Variants in PCSK9 observed in about 807,000 individuals in gnomAD.
The protein encoded by PCSK9 is proprotein convertase subtilisin/kexin type 9.
PCSK9 carries 57 observed loss-of-function variants against 62.1 expected under a neutral mutation model. The ratio of observed to expected loss-of-function variants is 0.92; its 90% CI spans 0.74 to 1.14. The LOEUF is 1.14. Ranked by LOEUF, PCSK9 falls within the 50% of genes most tolerant of loss-of-function variation. PCSK9 has a pLI of 0.00. For missense variants in PCSK9, 870 were observed against 959.8 expected (o/e 0.91, Z 1.24); for synonymous variants, 387 against 409.4 (o/e 0.95, Z 0.66).
At position 55,052,786 on chromosome 1, in the gene PCSK9, T is replaced by G; in HGVS notation, c.794T>G (p.Leu265Arg). 1 of 1,613,072 alleles carries G rather than the reference T, an allele frequency of 6.2e-7. No individual in the cohort carries two copies. The highest frequency in any genetic ancestry group is 8.5e-7 in the Non-Finnish European group (1 of 1,179,964). ...CQGKGTVSGTLIGLEFIRKSQ... is the reference protein window; with the variant it reads ...CQGKGTVSGTRIGLEFIRKSQ... ...GGGAAGGGCACGGTTAGCGGCACCCTCATAGGTAAGTGATGGCCCCAGACG... is the reference window on the plus strand; with the variant it reads ...GGGAAGGGCACGGTTAGCGGCACCCGCATAGGTAAGTGATGGCCCCAGACG... Residue 265 changes from leucine (L) to arginine (R), a missense_variant, in exon 5 of 12, where the codon CTC becomes CGC. Coordinates refer to ENST00000302118, the MANE Select transcript of PCSK9 (RefSeq NM_174936.4).
chr1:55,047,835 C>T (rs1644645177), intron 3 of PCSK9, among the ~76,000 whole-genome samples: 1 of 152,170 alleles, frequency 6.6e-6, no homozygotes, highest in Non-Finnish European at 1.5e-5. Context: ...GACAGCTCCT[C>T]TGTAGGAAGA....
chr1:55,059,387 G>C lies in PCSK9; in HGVS notation c.1504-99G>C, dbSNP rs1322263364. 23 of 1,451,264 alleles carry C rather than the reference G, an allele frequency of 1.6e-5. No homozygotes were observed. In the East Asian group the frequency reaches 5.2e-4, roughly 33 times the overall value. The allele number at this position is 1,451,264 out of a possible 1,614,324, so 89.9% of individuals were successfully genotyped here. On this transcript the variant is annotated intron_variant, in intron 9 of 11. Coordinates refer to ENST00000302118, the MANE Select transcript of PCSK9 (RefSeq NM_174936.4). ...CTGGGTCTGGCTGGCCCCTGGCAGGGACACTGATGAGGGTGCTTGAGTTGA... is the reference window on the plus strand; with the variant it reads ...CTGGGTCTGGCTGGCCCCTGGCAGGCACACTGATGAGGGTGCTTGAGTTGA...
In PCSK9 at chr1:55,057,278, G is replaced by A. The variant is rs1035690869; in HGVS notation, c.997-53G>A. ...GCTGGCAAGGCCTGAGTCTGCCTCTGCAACCCCTCTCTTGGGCTCCTTTCT... is the reference window on the plus strand; with the variant it reads ...GCTGGCAAGGCCTGAGTCTGCCTCTACAACCCCTCTCTTGGGCTCCTTTCT... On this transcript the variant is annotated intron_variant, in intron 6 of 11. Transcript: ENST00000302118. The A allele has an allele frequency of 1.9e-5, 30 of 1,575,684 alleles. No individual in the cohort carries two copies. The Admixed American group carries it at 2.3e-4, about 12-fold the overall frequency.
chr1:55,061,811 C>T (rs1478773695), intron 11 of PCSK9, among the ~76,000 whole-genome samples: 1 of 152,190 alleles, frequency 6.6e-6, no homozygotes, highest in Admixed American at 6.5e-5. Context: ...GTAGAATGTG[C>T]ATAAATATGG....
intron 2 of PCSK9, among the ~76,000 whole-genome samples, chr1:55,045,407 T>C (rs745662819): frequency 6.6e-6 from 1 of 152,162 alleles, no homozygotes; most frequent in African/African-American, 2.4e-5. Flanking sequence ...GGAACATTCA[T>C]TTAAGGACTA....
At chr1:55,058,288 C>T in intron 8 of PCSK9, 79 bp downstream of exon 8, 1 of 1,542,148 alleles carries the variant, frequency 6.5e-7, no homozygotes, top group Non-Finnish European at 8.8e-7. Flanking sequence ...CTCCCTTCTC[C>T]CTTGTCTGTG....
At chr1:55,050,265 C>A (rs1297218213) in intron 3 of PCSK9, among the ~76,000 whole-genome samples, 1 of 152,216 alleles carries the variant, frequency 6.6e-6, no homozygotes, top group Non-Finnish European at 1.5e-5. Flanking sequence ...GGCCTGGCAC[C>A]ATCTGGCCTC....
In PCSK9 at chr1:55,063,543, C is replaced by T. The variant is rs533555352; in HGVS notation, c.2038C>T (p.Arg680Trp). ...CGTGACAGCCGTTGCCATCTGCTGC[C>T]GGAGCCGGCACCTGGCGCAGGCCTC... is the stretch of plus-strand genomic sequence containing the variant. ...GAVTAVAICC[R>W]SRHLAQASQE... Residue 680 changes from arginine (R) to tryptophan (W), a missense_variant, in exon 12 of 12, where the codon CGG (arginine) becomes TGG (tryptophan). Transcript: ENST00000302118. 1.6e-4 allele frequency: 252 copies of T among 1,613,094 alleles called. 3 individuals are homozygous for T. In the South Asian group the frequency reaches 2.4e-3, roughly 15 times the overall value.
Sources: gnomAD v4.1 joint callset for allele counts (sites outside exome capture counted in the v4.1 genomes callset) on GRCh38, gnomAD v4.1.1 for gene constraint, MANE v1.5 for transcripts, NCBI Gene and HGNC (gene_info 2026-07-23, HGNC 2026-07-21) for gene names.